ATG13: variants seen among roughly 807,000 people sequenced by gnomAD.
ATG13 encodes autophagy-related protein 13.
In ATG13, 23 loss-of-function variants were observed where a neutral mutation model predicts 65.5. That is an observed-to-expected ratio of 0.35 (90% confidence interval 0.25 to 0.50). The LOEUF (loss-of-function observed/expected upper bound fraction) is 0.50. ATG13 is among the 20% of genes least tolerant of loss of function. The pLI, the probability that ATG13 is intolerant of heterozygous loss-of-function variation, is 0.98. For synonymous variants in ATG13, 252 were observed against 245.2 expected (o/e 1.03, Z -0.26); for missense variants, 566 against 677.0 (o/e 0.84, Z 1.82).
chr11:46,672,882 A>G lies in ATG13; in HGVS notation c.*550A>G, dbSNP rs1299117073. On this transcript the variant is annotated 3_prime_UTR_variant, in exon 19 of 19. Transcript: ENST00000683050. Reference sequence around the variant, plus strand: ...TCCTCTTCTTCTCTCTCTTGCCTCTATGCCTGTATTTCTGGCAATATGACA... The same window carrying G: ...TCCTCTTCTTCTCTCTCTTGCCTCTGTGCCTGTATTTCTGGCAATATGACA... The G allele has an allele frequency of 1.3e-5, 14 of 1,075,080 alleles. No homozygotes were observed. The highest frequency in any genetic ancestry group is 1.7e-5 in the Non-Finnish European group (14 of 834,316). The allele number at this position is 1,075,080 out of a possible 1,614,324, so 66.6% of individuals were successfully genotyped here.
intron 2 of ATG13, among the ~76,000 whole-genome samples, chr11:46,642,124 A>T (rs2056222366): frequency 6.6e-6 from 1 of 151,462 alleles, no homozygotes; most frequent in Non-Finnish European, 1.5e-5. Context: ...TTCCTCTTTC[A>T]GCTCTCCTTT....
At chr11:46,645,550 C>T (rs1282933042) in intron 4 of ATG13, 131 bp downstream of exon 4, 1 of 825,516 alleles carries the variant, frequency 1.2e-6, no homozygotes, top group East Asian at 2.7e-5. Context: ...TCCATTTGAT[C>T]CATTTACTTG....
chr11:46,618,902 C>T (rs2046324154), intron 1 of ATG13, among the ~76,000 whole-genome samples: 3 of 152,136 alleles, frequency 2.0e-5, no homozygotes, highest in Admixed American at 2.0e-4. Flanking sequence ...ACTTTAATCT[C>T]AAACTCCTGG....
chr11:46,650,236 A>T lies in ATG13; in HGVS notation c.377A>T (p.Lys126Met). The change falls in exon 7 of 19, where the codon AAG (lysine) becomes ATG (methionine). Residue 126 changes from lysine (K) to methionine (M), a missense_variant. Lys to Met is a moderately conservative substitution (Grantham distance 95, BLOSUM62 -1). This residue lies in a region of ATG13 where 179 missense variants were observed against 267.2 expected (regional missense o/e 0.67). Coordinates refer to ENST00000683050, the MANE Select transcript of ATG13 (RefSeq NM_001346311.2). ...TACAACAGACTGTCATTGCTGCTGA[A>T]GTCCCTTCTTGCTATAACTAGGGTG... ...TVYNRLSLLL[K>M]SLLAITRVTP... 1 of 1,614,130 alleles carries T rather than the reference A, an allele frequency of 6.2e-7. No individual in the cohort carries two copies. The highest frequency in any genetic ancestry group is 2.2e-5 in the East Asian group (1 of 44,872).
intron 6 of ATG13, among the ~76,000 whole-genome samples, 165 bp from the exon 7 acceptor site, chr11:46,650,012 G>GT (rs566800809): frequency 5.6e-4 from 86 of 152,270 alleles, no homozygotes; most frequent in African/African-American, 1.9e-3. Context: ...ATTTGCCTGT[G>GT]TCTAGTACAT....
chr11:46,642,623 A>G (rs1020709326), intron 2 of ATG13, among the ~76,000 whole-genome samples: 1 of 152,158 alleles, frequency 6.6e-6, no homozygotes. Context: ...TTCCTTTAAA[A>G]TATCACCCAA....
At position 46,663,876 on chromosome 11, in the gene ATG13, G is replaced by A. The variant is rs1030183058; in HGVS notation, c.790-121G>A. ...TTGCCCTGCTTCACTCCTGACTCCAGTGTCAGTTCTGGCCTCTCTTGCTAC... is the reference window on the plus strand; with the variant it reads ...TTGCCCTGCTTCACTCCTGACTCCAATGTCAGTTCTGGCCTCTCTTGCTAC... On this transcript the variant is annotated intron_variant, in intron 11 of 18. Transcript: ENST00000683050. The A allele has an allele frequency of 4.4e-5, 30 of 678,526 alleles. No homozygotes were observed. The East Asian group carries it at 8.1e-4, about 18-fold the overall frequency. The allele number at this position is 678,526 out of a possible 1,614,324, so 42.0% of individuals were successfully genotyped here.
intron 2 of ATG13, among the ~76,000 whole-genome samples, chr11:46,636,693 G>A (rs1239875829): frequency 1.3e-5 from 2 of 151,760 alleles, no homozygotes; most frequent in South Asian, 4.1e-4. Flanking sequence ...TGGGCCACAA[G>A]CGATCCTCCT....
intron 2 of ATG13, among the ~76,000 whole-genome samples, chr11:46,632,951 C>G (rs1166019727): frequency 6.9e-6 from 1 of 145,250 alleles, no homozygotes; most frequent in Non-Finnish European, 1.5e-5. Flanking sequence ...TCACTTGAGG[C>G]AAGCAGTTTG....
intron 14 of ATG13, among the ~76,000 whole-genome samples, chr11:46,666,723 C>T (rs920121526): frequency 3.3e-5 from 5 of 152,186 alleles, no homozygotes; most frequent in Non-Finnish European, 7.3e-5. Flanking sequence ...CTTCTTTCCA[C>T]GATGCTTTCA....
At chr11:46,620,016 C>G (rs2046926003) in intron 1 of ATG13, among the ~76,000 whole-genome samples, 1 of 142,884 alleles carries the variant, frequency 7.0e-6, no homozygotes, top group Admixed American at 6.8e-5. Flanking sequence ...GAGACAGCGC[C>G]CCTCTGTCTC....
At chr11:46,668,992 C>T in intron 17 of ATG13, 82 bp downstream of exon 17, 2 of 1,146,402 alleles carry the variant, frequency 1.7e-6, no homozygotes, top group South Asian at 2.7e-5. Context: ...ATCCAGATTT[C>T]CTTCATAGGG....
At chr11:46,636,367 C>T (rs2053958143) in intron 2 of ATG13, among the ~76,000 whole-genome samples, 1 of 151,830 alleles carries the variant, frequency 6.6e-6, no homozygotes, top group African/African-American at 2.4e-5. Flanking sequence ...ACCATCCTGG[C>T]TAACACAGTG....
At chr11:46,645,222 G>C in intron 3 of ATG13, 117 bp from the exon 4 acceptor site, 1 of 756,802 alleles carries the variant, frequency 1.3e-6, no homozygotes, top group Non-Finnish European at 2.1e-6. Flanking sequence ...GTATACTTAT[G>C]ATTAATTGGC....
chr11:46,665,628 G>A, intron 14 of ATG13, 109 bp downstream of exon 14: 1 of 1,406,238 alleles, frequency 7.1e-7, no homozygotes, highest in Non-Finnish European at 9.5e-7. Flanking sequence ...GCATTGGCTG[G>A]GACATGGCAT....
chr11:46,668,758 C>T (rs749060823), intron 16 of ATG13, 36 bp from the exon 17 acceptor site: 13 of 1,552,166 alleles, frequency 8.4e-6, no homozygotes, highest in Middle Eastern at 1.7e-4. Context: ...ATCTGGGTCA[C>T]AGCATCAGCC....
chr11:46,653,566 CTTTT>C (rs573563973), intron 7 of ATG13, among the ~76,000 whole-genome samples: 1 of 142,596 alleles, frequency 7.0e-6, no homozygotes, highest in African/African-American at 2.6e-5. Flanking sequence ...CATGAAGCTT[CTTTT>C]TTTTTTTTTT....
chr11:46,661,931 C>A (rs546521256), intron 11 of ATG13, among the ~76,000 whole-genome samples: 1 of 152,270 alleles, frequency 6.6e-6, no homozygotes, highest in Admixed American at 6.5e-5. Flanking sequence ...ACTATTGTTT[C>A]TATTGTCCTA....
chr11:46,650,451 A>T, intron 7 of ATG13, 134 bp downstream of exon 7: 1 of 1,241,096 alleles, frequency 8.1e-7, no homozygotes, highest in Non-Finnish European at 1.1e-6. Flanking sequence ...TGTCGCTTTC[A>T]TGTGATCACT....
Sources: gnomAD v4.1 joint callset for allele counts (sites outside exome capture counted in the v4.1 genomes callset) on GRCh38, gnomAD v4.1.1 for gene constraint, gnomAD v4.1.1 regional missense constraint, MANE v1.5 for transcripts, NCBI Gene and HGNC (gene_info 2026-07-23, HGNC 2026-07-21) for gene names.